SHC2: variants seen among roughly 807,000 people sequenced by gnomAD.
SHC2 encodes the protein SHC-transforming protein 2.
SHC2 carries 62 observed loss-of-function variants against 60.6 expected under a neutral mutation model. That is an observed-to-expected ratio of 1.02 (90% CI 0.83 to 1.26). SHC2 has a LOEUF of 1.26. Among genes scored for constraint, SHC2 ranks in the 50% most tolerant of loss-of-function variants. The pLI is 0.00. For missense variants in SHC2, 873 were observed against 822.2 expected, an observed-to-expected ratio of 1.06 and a Z score of -0.76; for synonymous variants, 375 against 372.4, an observed-to-expected ratio of 1.01 and a Z score of -0.08.
Position 438,825 on chromosome 19 carries a change from C to A in SHC2, c.613G>T (p.Ala205Ser), listed in dbSNP as rs754073371. 6 of 1,568,332 alleles carry A rather than the reference C, an allele frequency of 3.8e-6. No individual in the cohort carries two copies. The highest frequency in any genetic ancestry group is 3.8e-5 in the Admixed American group (2 of 53,034). ...CTCTTGCCCAGGACGGACGCCAGGG[C>A]CTTGTTGGGGGCCTGAGTTGGGGGC... ...GSWKKKAPNK[A>S]LASVLGKSNL... The change falls in exon 4 of 13, where the codon GCC (alanine) becomes TCC (serine). Residue 205 changes from alanine (A) to serine (S), a missense_variant. Transcript: ENST00000264554. The surrounding 1 kb of genome is among the most constrained non-coding windows in gnomAD (Gnocchi z 5.0).
Position 437,368 on chromosome 19 carries a change from G to A in SHC2, c.721-685C>T, listed in dbSNP as rs370673999. 9.2e-5 allele frequency among the ~76,000 whole-genome samples: 14 copies of A among 151,806 alleles called. No homozygotes were observed. The South Asian group carries it at 2.7e-3, about 29-fold the overall frequency. On this transcript the variant is annotated intron_variant, in intron 4 of 12. Coordinates refer to ENST00000264554, the MANE Select transcript of SHC2 (RefSeq NM_012435.3). ...CATGCTCATCTGTGTGCTTGTTTGTGTGCTCGTCTGCGTGCTTGTTTGCAT... is the reference window on the plus strand; with the variant it reads ...CATGCTCATCTGTGTGCTTGTTTGTATGCTCGTCTGCGTGCTTGTTTGCAT...
chr19:456,352 G>A (rs1975342710), intron 1 of SHC2, among the ~76,000 whole-genome samples: 1 of 151,896 alleles, frequency 6.6e-6, no homozygotes, highest in Non-Finnish European at 1.5e-5. Flanking sequence ...GGGGGCCAGG[G>A]CCCCTGGTCC....
rs1204165977 is a variant in SHC2 at position 440,003 on chromosome 19, G to A, written c.539+859C>T. Among the ~76,000 whole-genome samples the A allele has an allele frequency of 3.4e-5, 5 of 146,388 alleles. No homozygotes were observed. The highest frequency in any genetic ancestry group is 7.4e-5 in the Non-Finnish European group (5 of 67,332). The stretch of plus-strand genomic sequence containing the variant: ...ACGGTGTCACTGCACTCCAGCCTGG[G>A]CAACAGAGTGAGACTCCATCTCAAA... On this transcript the variant is annotated intron_variant, in intron 2 of 12. Coordinates refer to ENST00000264554, the MANE Select transcript of SHC2 (RefSeq NM_012435.3). The surrounding 1 kb of genome is among the most constrained non-coding windows in gnomAD (Gnocchi z 7.0).
chr19:454,746 C>T (rs1232880336), intron 1 of SHC2, among the ~76,000 whole-genome samples: 3 of 151,914 alleles, frequency 2.0e-5, no homozygotes, highest in Admixed American at 1.3e-4. Flanking sequence ...GCCGAGATCG[C>T]GCCACGGCAC....
chr19:435,476 G>C (rs1416741983), intron 7 of SHC2, among the ~76,000 whole-genome samples: 2 of 152,236 alleles, frequency 1.3e-5, no homozygotes, highest in Non-Finnish European at 2.9e-5. Flanking sequence ...GGGTGAGTGT[G>C]AGCAGGCGTG....
chr19:451,235 ATATTTCAGTGTGTGGATGGCCACGCCG>A (rs1284726577), intron 1 of SHC2, among the ~76,000 whole-genome samples: 17 of 97,258 alleles, frequency 1.7e-4, no homozygotes, highest in African/African-American at 5.1e-4. Flanking sequence ...TGGCCACGTC[ATATTTCAGTGTGTGGATGGCCACGCCG>A]TGGCTGTGCT....
rs903211357 is a variant in SHC2 at position 438,514 on chromosome 19, A to G, written c.720+204T>C. Among the ~76,000 whole-genome samples, 1 of 152,180 alleles carries G rather than the reference A, an allele frequency of 6.6e-6. No homozygotes were observed. The highest frequency in any genetic ancestry group is 1.5e-5 in the Non-Finnish European group (1 of 68,020). On this transcript the variant is annotated intron_variant, in intron 4 of 12. Coordinates refer to ENST00000264554, the MANE Select transcript of SHC2 (RefSeq NM_012435.3). This position sits in a 1 kb window ranked among gnomAD's most constrained non-coding sequence, Gnocchi z 5.0. The stretch of plus-strand genomic sequence containing the variant: ...ATGCCAGGAGCGCCCCTGTATCAGG[A>G]CGGCTCGCCCAGGTGGGAGCCCCTG...
At chr19:447,182 G>A (rs117398133) in intron 1 of SHC2, among the ~76,000 whole-genome samples, 2,407 of 152,296 alleles carry the variant, frequency 0.016, 21 homozygotes, top group Non-Finnish European at 0.021. Context: ...GCCATGGCAC[G>A]GACGCACCGT....
intron 7 of SHC2, among the ~76,000 whole-genome samples, chr19:435,422 G>C (rs143717471): frequency 6.6e-6 from 1 of 152,252 alleles, no homozygotes; most frequent in Admixed American, 6.5e-5. Context: ...GCTTCGGAGC[G>C]TGCTGAGCAA....
chr19:434,189 A>G (rs1405964967), intron 8 of SHC2, among the ~76,000 whole-genome samples: 1 of 125,234 alleles, frequency 8.0e-6, no homozygotes, highest in Non-Finnish European at 1.6e-5. Flanking sequence ...GAGGCCGGGC[A>G]GATACACGGC....
rs754095766 is a variant in SHC2 at position 422,225 on chromosome 19, G to C, written c.1541C>G (p.Thr514Ser). 1 of 1,612,488 alleles carries C rather than the reference G, an allele frequency of 6.2e-7. No individual in the cohort carries two copies. Among genetic ancestry groups the C allele is most frequent in the East Asian group, 2.2e-5 (1 of 44,860 alleles). Residue 514 changes from threonine to serine, a missense_variant, in exon 11 of 13, where the codon ACC becomes AGC. Transcript: ENST00000264554. The surrounding 1 kb of genome is among the most constrained non-coding windows in gnomAD (Gnocchi z 5.0). The stretch of plus-strand genomic sequence containing the variant: ...GGTGAGGACATACTGCCCGGGGTTG[G>C]TGACGCTGTCTCGCACAAGGAAGTC... ...DGDFLVRDSV[T>S]NPGQYVLTGM...
rs1974835745 is a variant in SHC2 at position 440,431 on chromosome 19, C to T, written c.539+431G>A. On this transcript the variant is annotated intron_variant, in intron 2 of 12. Coordinates refer to ENST00000264554, the MANE Select transcript of SHC2 (RefSeq NM_012435.3). The surrounding 1 kb of genome is among the most constrained non-coding windows in gnomAD (Gnocchi z 7.0). ...GTTTTCACAGAAAAAAAGGGTGTCGCTCTCTTCCCTGCTTAAGCCCTGGCC... is the reference window on the plus strand; with the variant it reads ...GTTTTCACAGAAAAAAAGGGTGTCGTTCTCTTCCCTGCTTAAGCCCTGGCC... 6.6e-6 allele frequency among the ~76,000 whole-genome samples: 1 copy of T among 152,194 alleles called. No homozygotes were observed. Among genetic ancestry groups the T allele is most frequent in the South Asian group, 2.1e-4 (1 of 4,828 alleles).
intron 1 of SHC2, among the ~76,000 whole-genome samples, chr19:443,981 ATGGT>A (rs1974988263): frequency 7.4e-6 from 1 of 134,848 alleles, no homozygotes; most frequent in African/African-American, 2.9e-5. Context: ...GGATGGACGG[ATGGT>A]TGGATGGATG....
intron 1 of SHC2, among the ~76,000 whole-genome samples, chr19:450,210 C>G (rs1054085197): frequency 2.6e-5 from 4 of 152,224 alleles, no homozygotes; most frequent in Non-Finnish European, 5.9e-5. Context: ...GAACTGTCCC[C>G]AGGGCCTCGG....
intron 9 of SHC2, among the ~76,000 whole-genome samples, chr19:428,564 C>T (rs768243951): frequency 7.2e-5 from 11 of 152,202 alleles, no homozygotes; most frequent in African/African-American, 7.2e-5. Flanking sequence ...AGGGCTATGA[C>T]GCACGTTTGA....
intron 9 of SHC2, among the ~76,000 whole-genome samples, chr19:428,203 C>T (rs1297807383): frequency 2.6e-5 from 4 of 152,114 alleles, no homozygotes; most frequent in African/African-American, 9.7e-5. Flanking sequence ...CCAACCTGGG[C>T]GACAAAGCAA....
chr19:442,473 G>GAGT (rs1974897906), intron 1 of SHC2, among the ~76,000 whole-genome samples: 3 of 125,960 alleles, frequency 2.4e-5, no homozygotes, highest in African/African-American at 6.4e-5. Context: ...GTGGGTGGAT[G>GAGT]GGTGGGTGGA....
rs967396235 is a variant in SHC2, at chr19:424,061, G to A, written c.1309+1036C>T. Among the ~76,000 whole-genome samples the A allele has an allele frequency of 2.6e-5, 4 of 152,166 alleles. No homozygotes were observed. Among genetic ancestry groups the A allele is most frequent in the Admixed American group, 2.0e-4 (3 of 15,274 alleles). ...GAAGCTGCTTTGTCAGGTGGTGGAG[G>A]AAAGGGAGAAATTTGCAGTTAGCTT... is the stretch of plus-strand genomic sequence containing the variant. On this transcript the variant is annotated intron_variant, in intron 10 of 12. Coordinates refer to ENST00000264554, the MANE Select transcript of SHC2 (RefSeq NM_012435.3). The surrounding 1 kb of genome is among the most constrained non-coding windows in gnomAD (Gnocchi z 4.5).
Position 434,767 on chromosome 19 carries a change from C to T in SHC2, c.1052G>A (p.Gly351Glu), listed in dbSNP as rs762827750. Residue 351 changes from glycine (G) to glutamate (E), a missense_variant, in exon 8 of 13, where the codon GGG becomes GAG. By Grantham distance (98) the Gly-to-Glu change is moderately conservative (BLOSUM62 -2). Coordinates refer to ENST00000264554, the MANE Select transcript of SHC2 (RefSeq NM_012435.3). ...CAGGGCCAGCCTGGAGTCCACTAGC[C>T]CGCCCAGCGGCGGCTCCTTCCCCGG... ...SIPGKEPPLGGLVDSRLALTQ... is the reference protein window; with the variant it reads ...SIPGKEPPLGELVDSRLALTQ... 2 of 1,612,916 alleles carry T rather than the reference C, an allele frequency of 1.2e-6. No individual in the cohort carries two copies. Among genetic ancestry groups the T allele is most frequent in the East Asian group, 2.2e-5 (1 of 44,854 alleles).
Sources: allele counts gnomAD v4.1 joint callset (sites outside exome capture counted in the v4.1 genomes callset), GRCh38; gene constraint gnomAD v4.1.1; non-coding constraint Gnocchi (gnomAD v3.1); transcripts MANE v1.5; gene names NCBI Gene and HGNC (gene_info 2026-07-23, HGNC 2026-07-21).